EYS: variants seen among roughly 807,000 people sequenced by gnomAD.
The protein encoded by EYS is EGF-like photoreceptor maintenance factor.
EYS carries 250 observed loss-of-function variants against 282.1 expected under a neutral mutation model. That is an observed-to-expected ratio of 0.89 (90% CI 0.80 to 0.98). The LOEUF (loss-of-function observed/expected upper bound fraction) is 0.98. Among genes scored for constraint, EYS ranks in the 50% least tolerant of loss-of-function variants. EYS has a pLI of 0.00. For missense variants in EYS, 4,016 were observed against 3,709.0 expected (o/e 1.08, Z -2.15); for synonymous variants, 1,355 against 1,282.9 (o/e 1.06, Z -1.20).
chr6:64,593,231 G>A lies in EYS; in HGVS notation c.3763C>T (p.Pro1255Ser). Residue 1255 changes from proline to serine, a missense_variant, in exon 25 of 43, where the codon CCC becomes TCC. By Grantham distance (74) the Pro-to-Ser change is moderately conservative. Coordinates refer to ENST00000503581, the MANE Select transcript of EYS (RefSeq NM_001142800.2). Reference sequence around the variant, plus strand: ...ATTGTATATGTCTGTGTGGAAATGGGATCTGTTCTTTGAAAGATGGGAGTT... The same window carrying A: ...ATTGTATATGTCTGTGTGGAAATGGAATCTGTTCTTTGAAAGATGGGAGTT... Reference protein sequence around the residue: ...CLTPIFQRTDPISTQTYTIPP... With the variant: ...CLTPIFQRTDSISTQTYTIPP... The A allele has an allele frequency of 6.4e-7, 1 of 1,550,626 alleles. No individual in the cohort carries two copies. The highest frequency in any genetic ancestry group is 8.7e-7 in the Non-Finnish European group (1 of 1,146,408).
intron 12 of EYS, among the ~76,000 whole-genome samples, chr6:65,286,745 T>A (rs959240754): frequency 1.3e-5 from 2 of 151,684 alleles, no homozygotes; most frequent in Non-Finnish European, 3.0e-5. Flanking sequence ...CTGTGTAAAT[T>A]CACATTAAAA....
At chr6:65,583,042 T>A (rs1398055327) in intron 2 of EYS, among the ~76,000 whole-genome samples, 1 of 152,066 alleles carries the variant, frequency 6.6e-6, no homozygotes, top group African/African-American at 2.4e-5. Flanking sequence ...ATCCCTATAA[T>A]GCAATTTTAA....
chr6:64,772,895 C>T (rs7775891), intron 22 of EYS, among the ~76,000 whole-genome samples: 1,531 of 151,322 alleles, frequency 0.01, 26 homozygotes, highest in African/African-American at 0.035. Flanking sequence ...GGAAGGTTTC[C>T]TCAAACTTCT....
chr6:65,522,105 T>C (rs1258884095), intron 2 of EYS, among the ~76,000 whole-genome samples: 1 of 152,186 alleles, frequency 6.6e-6, no homozygotes, highest in Non-Finnish European at 1.5e-5. Flanking sequence ...CTTGCAAAAA[T>C]ATTTAGTATT....
In EYS at chr6:64,264,388, CAGTT is replaced by C. The variant is rs560486648; in HGVS notation, c.6192-33568_6192-33565del. On this transcript the variant is annotated intron_variant, in intron 30 of 42. Transcript: ENST00000503581. Reference sequence around the variant, plus strand: ...GGATCCAAATGATCTAACTTGGTCTCAGTTAGGACTACTGATTTCTGTTCCACAA... The same window carrying C: ...GGATCCAAATGATCTAACTTGGTCTCAGGACTACTGATTTCTGTTCCACAA... Among the ~76,000 whole-genome samples the C allele has an allele frequency of 1.5e-4, 23 of 152,206 alleles. No homozygotes were observed. In the South Asian group the frequency reaches 3.3e-3, roughly 22 times the overall value.
rs182573693 is a variant in EYS at position 65,569,357 on chromosome 6, C to T, written c.-333+70421G>A. Among the ~76,000 whole-genome samples the T allele has an allele frequency of 7.9e-5, 12 of 152,292 alleles. No individual in the cohort carries two copies. In the East Asian group the frequency reaches 2.3e-3, roughly 29 times the overall value. On this transcript the variant is annotated intron_variant, in intron 2 of 42. Transcript: ENST00000503581. ...CCCGCCTGCACCCAGATGAAATAAA[C>T]TGCCCTGCTGCTCACACAAAGCCTG...
chr6:64,109,445 T>G (rs1399719742), intron 31 of EYS, among the ~76,000 whole-genome samples: 1 of 152,040 alleles, frequency 6.6e-6, no homozygotes, highest in African/African-American at 2.4e-5. Flanking sequence ...CTATGTAATA[T>G]AAAATAATTT....
chr6:64,859,020 T>C (rs1766154396), intron 19 of EYS, among the ~76,000 whole-genome samples: 1 of 151,878 alleles, frequency 6.6e-6, no homozygotes, highest in African/African-American at 2.4e-5. Flanking sequence ...AGTATTCTAA[T>C]AGAAAATGAA....
intron 5 of EYS, among the ~76,000 whole-genome samples, chr6:65,487,081 C>G (rs186209971): frequency 6.6e-6 from 1 of 152,252 alleles, no homozygotes; most frequent in East Asian, 1.9e-4. Flanking sequence ...TGGGCTCAGA[C>G]AATGGGGTTT....
chr6:64,503,711 C>G (rs1477523249), intron 26 of EYS, among the ~76,000 whole-genome samples: 5 of 152,140 alleles, frequency 3.3e-5, no homozygotes, highest in Non-Finnish European at 7.4e-5. Flanking sequence ...TCCGAACCAT[C>G]AAAAACTCAG....
At position 65,491,270 on chromosome 6, in the gene EYS, TACACACACACAC is replaced by T. The variant is rs57650145; in HGVS notation, c.749-575_749-564del. The T allele has an allele frequency of 2.5e-3, 433 of 170,154 alleles. 3 individuals carry two copies. The highest frequency in any genetic ancestry group is 0.011 in the South Asian group (92 of 8,456). The allele number at this position is 170,154 out of a possible 1,614,324, so 10.5% of individuals were successfully genotyped here. ...TTGTGGTCCCACTATATCAGTTATA[TACACACACACAC>T]ACACACACACACACACACACACACA... On this transcript the variant is annotated intron_variant, in intron 4 of 42. Transcript: ENST00000503581.
chr6:64,179,253 T>G (rs1764723280), intron 31 of EYS, among the ~76,000 whole-genome samples: 1 of 152,056 alleles, frequency 6.6e-6, no homozygotes, highest in Non-Finnish European at 1.5e-5. Flanking sequence ...ATAAAGTACT[T>G]GCAGGCTTCT....
intron 5 of EYS, among the ~76,000 whole-genome samples, chr6:65,407,509 C>T (rs968052041): frequency 1.3e-5 from 2 of 152,136 alleles, no homozygotes; most frequent in African/African-American, 2.4e-5. Flanking sequence ...CCGTCTCGGC[C>T]TCCCAAAGTG....
chr6:65,159,683 C>T (rs1192483004), intron 12 of EYS, among the ~76,000 whole-genome samples: 1 of 150,806 alleles, frequency 6.6e-6, no homozygotes, highest in Non-Finnish European at 1.5e-5. Context: ...ACTGCTAAGT[C>T]ACTTAACAAC....
chr6:65,231,884 G>T (rs981104180), intron 12 of EYS, among the ~76,000 whole-genome samples: 3 of 151,820 alleles, frequency 2.0e-5, no homozygotes, highest in Non-Finnish European at 4.4e-5. Context: ...AAGTCTTGTG[G>T]TTGAAAAAGA....
chr6:64,329,244 A>G (rs928836005), intron 29 of EYS, among the ~76,000 whole-genome samples: 21 of 152,304 alleles, frequency 1.4e-4, no homozygotes, highest in Admixed American at 3.3e-4. Flanking sequence ...TACAGGAATA[A>G]CAGAAAAGAG....
At chr6:64,504,860 G>C (rs1433888614) in intron 26 of EYS, among the ~76,000 whole-genome samples, 1 of 152,096 alleles carries the variant, frequency 6.6e-6, no homozygotes, top group Non-Finnish European at 1.5e-5. Context: ...AGGGTAGGTC[G>C]TAAAAAACTT....
Position 63,984,428 on chromosome 6 carries a change from G to A in EYS, c.7010C>T (p.Pro2337Leu), listed in dbSNP as rs1414234311. The change falls in exon 35 of 43, where the codon CCT becomes CTT. Residue 2337 changes from proline to leucine, a missense_variant. By Grantham distance (98) the Pro-to-Leu change is moderately conservative. Coordinates refer to ENST00000503581, the MANE Select transcript of EYS (RefSeq NM_001142800.2). ...GCGGCACAGATGATGAGCACACCAA[G>A]GGACGTGGCAGTTCTCAATATTCTT... ...HGKNIENCHV[P>L]WCAHHLCRNN... 4 of 1,549,594 alleles carry A rather than the reference G, an allele frequency of 2.6e-6. No individual in the cohort carries two copies. Among genetic ancestry groups the A allele is most frequent in the African/African-American group, 1.4e-5 (1 of 72,914 alleles).
At chr6:64,894,519 G>C (rs1027222983) in intron 18 of EYS, among the ~76,000 whole-genome samples, 1 of 152,118 alleles carries the variant, frequency 6.6e-6, no homozygotes, top group Non-Finnish European at 1.5e-5. Flanking sequence ...CTGGAGGACA[G>C]AGACATAATT....
Sources: allele counts gnomAD v4.1 joint callset (sites outside exome capture counted in the v4.1 genomes callset), GRCh38; gene constraint gnomAD v4.1.1; transcripts MANE v1.5; gene names NCBI Gene and HGNC (gene_info 2026-07-23, HGNC 2026-07-21).